The following ACOXL variants were observed in gnomAD, a reference collection of about 807,000 sequenced individuals.
The protein encoded by ACOXL is acyl-CoA oxidase like.
ACOXL carries 70 observed loss-of-function variants against 71.9 expected under a neutral mutation model. The observed-to-expected ratio is 0.97, with a 90% CI of 0.80 to 1.19. The LOEUF (loss-of-function observed/expected upper bound fraction) is 1.19. Among genes scored for constraint, ACOXL ranks in the 50% most tolerant of loss-of-function variants. The probability of loss-of-function intolerance (pLI) is 0.00; values close to 1 mark genes in which losing one functional copy is unlikely to be tolerated. For synonymous variants in ACOXL, 253 were observed against 281.6 expected (o/e 0.90, Z 1.02); for missense variants, 703 against 736.3 (o/e 0.95, Z 0.52).
At chr2:111,096,387 C>T (rs1158133617) in intron 17 of ACOXL, among the ~76,000 whole-genome samples, 2 of 151,928 alleles carry the variant, frequency 1.3e-5, no homozygotes, top group East Asian at 3.9e-4. Context: ...GGATTATAGG[C>T]ACGTGCCACC....
intron 9 of ACOXL, among the ~76,000 whole-genome samples, chr2:110,839,328 C>T (rs1392805367): frequency 4.6e-5 from 7 of 152,166 alleles, no homozygotes; most frequent in African/African-American, 1.2e-4. Flanking sequence ...TAAAGTTATC[C>T]GGCATGTGAA....
chr2:110,781,112 G>A (rs1032312069), intron 2 of ACOXL, among the ~76,000 whole-genome samples: 3 of 152,196 alleles, frequency 2.0e-5, no homozygotes, highest in African/African-American at 7.2e-5. Context: ...ATGCCTGCTG[G>A]GGGAAGGGAA....
intron 13 of ACOXL, among the ~76,000 whole-genome samples, chr2:110,990,287 A>T (rs1200799538): frequency 6.6e-6 from 1 of 152,142 alleles, no homozygotes; most frequent in Non-Finnish European, 1.5e-5. Flanking sequence ...ATTACTGGTT[A>T]CTTTATAATT....
intron 12 of ACOXL, chr2:110,968,599 CAAGA>C (rs1461634402): frequency 1.1e-6 from 1 of 916,444 alleles, no homozygotes; most frequent in Non-Finnish European, 1.7e-6. Context: ...AAAAGAAGCC[CAAGA>C]AAGAAGTTAA....
intron 1 of ACOXL, among the ~76,000 whole-genome samples, chr2:110,755,488 A>T (rs1398755489): frequency 6.6e-6 from 1 of 152,190 alleles, no homozygotes; most frequent in Admixed American, 6.5e-5. Context: ...ACAACTATGC[A>T]TGTTGCTTAG....
At chr2:110,787,533 C>CAAAAAAAAAAAAAAA (rs1175271772) in intron 3 of ACOXL, among the ~76,000 whole-genome samples, 14 of 53,510 alleles carry the variant, frequency 2.6e-4, no homozygotes, top group African/African-American at 5.3e-4. Flanking sequence ...GACTCCGTCT[C>CAAAAAAAAAAAAAAA]AAAAAAAAAA....
rs190845322 is a variant in ACOXL at position 111,013,282 on chromosome 2, T to A, written c.1281+17278T>A. Among the ~76,000 whole-genome samples, 22 of 152,214 alleles carry A rather than the reference T, an allele frequency of 1.4e-4. No homozygotes were observed. The East Asian group carries it at 2.3e-3, about 16-fold the overall frequency. ...GCTCATGCCTGTAATCCCAGCACTTTGGGAGGCCAAGGCATGTGGATTGCT... is the reference window on the plus strand; with the variant it reads ...GCTCATGCCTGTAATCCCAGCACTTAGGGAGGCCAAGGCATGTGGATTGCT... On this transcript the variant is annotated intron_variant, in intron 14 of 17. Transcript: ENST00000439055.
intron 10 of ACOXL, among the ~76,000 whole-genome samples, chr2:110,885,512 C>T (rs10181923): frequency 0.32 from 48,669 of 151,546 alleles, 7,997 homozygotes; most frequent in Middle Eastern, 0.39. Context: ...TGTTATGCTT[C>T]GTATTTCATA....
At chr2:110,960,770 TA>T (rs1307083833) in intron 12 of ACOXL, among the ~76,000 whole-genome samples, 1 of 152,078 alleles carries the variant, frequency 6.6e-6, no homozygotes, top group Non-Finnish European at 1.5e-5. Flanking sequence ...CATTTTTAGT[TA>T]AAAAATGATG....
At chr2:111,071,880 G>A (rs2067359438) in intron 16 of ACOXL, among the ~76,000 whole-genome samples, 1 of 152,194 alleles carries the variant, frequency 6.6e-6, no homozygotes, top group Non-Finnish European at 1.5e-5. Flanking sequence ...TAGGCCCTGT[G>A]GGGAACTCCA....
At chr2:110,747,088 G>A (rs182766585) in intron 1 of ACOXL, among the ~76,000 whole-genome samples, 2 of 152,270 alleles carry the variant, frequency 1.3e-5, no homozygotes, top group African/African-American at 2.4e-5. Flanking sequence ...TGACCCCATA[G>A]TACTCAACCT....
Position 111,049,231 on chromosome 2 carries a change from G to C in ACOXL, c.1383G>C (p.Gln461His), listed in dbSNP as rs756706180. 6 of 1,611,968 alleles carry C rather than the reference G, an allele frequency of 3.7e-6. No homozygotes were observed. The highest frequency in any genetic ancestry group is 1.7e-4 in the Middle Eastern group (1 of 6,054). Reference protein sequence around the residue: ...LAHTHRVTLEQFSLAVKSCPD... With the variant: ...LAHTHRVTLEHFSLAVKSCPD... ...CTTCCCTTCCAGTTACCTTAGAGCA[G>C]TTCTCCCTAGCAGTGAAGAGCTGTC... Residue 461 changes from glutamine to histidine, a missense_variant, in exon 16 of 18, where the codon CAG becomes CAC. Gln to His is a conservative substitution (Grantham distance 24). Coordinates refer to ENST00000439055, the MANE Select transcript of ACOXL (RefSeq NM_001142807.4).
chr2:110,841,189 T>C (rs546922488), intron 9 of ACOXL, among the ~76,000 whole-genome samples, 182 bp from the exon 10 acceptor site: 1 of 152,328 alleles, frequency 6.6e-6, no homozygotes, highest in South Asian at 2.1e-4. Flanking sequence ...ATACAAATTA[T>C]CTGTAAGAGC....
intron 12 of ACOXL, among the ~76,000 whole-genome samples, chr2:110,962,630 C>A (rs979686025): frequency 8.5e-5 from 13 of 152,238 alleles, no homozygotes; most frequent in African/African-American, 3.1e-4. Flanking sequence ...ACTTCTAAGA[C>A]CCCTGTGGCC....
At chr2:111,003,761 A>G (rs2063753705) in intron 14 of ACOXL, among the ~76,000 whole-genome samples, 1 of 152,146 alleles carries the variant, frequency 6.6e-6, no homozygotes, top group African/African-American at 2.4e-5. Flanking sequence ...ACTACCATTA[A>G]TGTAACCATT....
intron 10 of ACOXL, among the ~76,000 whole-genome samples, chr2:110,846,641 G>GCACACACACACACA (rs61028803): frequency 0.029 from 3,955 of 137,962 alleles, 111 homozygotes; most frequent in East Asian, 0.07. Flanking sequence ...ATGCATACAC[G>GCACACACACACACA]CACACACACA....
chr2:111,022,483 G>T (rs548421998), intron 14 of ACOXL, among the ~76,000 whole-genome samples: 8 of 152,038 alleles, frequency 5.3e-5, no homozygotes, highest in Non-Finnish European at 1.2e-4. Context: ...CAAACCGGAA[G>T]AGAGACAGGA....
chr2:110,902,647 A>G (rs181092080), intron 10 of ACOXL, among the ~76,000 whole-genome samples: 16 of 152,324 alleles, frequency 1.1e-4, no homozygotes, highest in Middle Eastern at 6.8e-3. Context: ...CTTACTGATA[A>G]TAAGAAGCCA....
At chr2:111,036,616 G>C (rs1162174363) in intron 15 of ACOXL, among the ~76,000 whole-genome samples, 1 of 152,176 alleles carries the variant, frequency 6.6e-6, no homozygotes, top group Non-Finnish European at 1.5e-5. Context: ...TTGGGAAAAA[G>C]GTGAACCTGG....
Sources: allele counts gnomAD v4.1 joint callset (sites outside exome capture counted in the v4.1 genomes callset), GRCh38; gene constraint gnomAD v4.1.1; transcripts MANE v1.5; gene names NCBI Gene and HGNC (gene_info 2026-07-23, HGNC 2026-07-21).